The following MIOS variants were observed in gnomAD, a reference collection of about 807,000 sequenced individuals.
The protein encoded by MIOS is GATOR2 complex protein MIOS.
In MIOS, 52 loss-of-function variants were observed where a neutral mutation model predicts 96.9. The ratio of observed to expected loss-of-function variants is 0.54; its 90% confidence interval spans 0.43 to 0.68. The LOEUF (loss-of-function observed/expected upper bound fraction) is 0.68. MIOS is among the 30% of genes least tolerant of loss of function. MIOS has a pLI of 0.00. For synonymous variants in MIOS, 397 were observed against 359.5 expected, an observed-to-expected ratio of 1.10 and a Z score of -1.18; for missense variants, 1,005 against 1,052.8, an observed-to-expected ratio of 0.95 and a Z score of 0.63.
At chr7:7,579,412 T>C (rs1351154453) in intron 5 of MIOS, among the ~76,000 whole-genome samples, 2 of 152,242 alleles carry the variant, frequency 1.3e-5, no homozygotes, top group Non-Finnish European at 2.9e-5. Context: ...ATGACGTTTC[T>C]GTTAACAATC....
At chr7:7,594,177 GA>G (rs1266255929) in intron 9 of MIOS, among the ~76,000 whole-genome samples, 1 of 152,150 alleles carries the variant, frequency 6.6e-6, no homozygotes, top group Non-Finnish European at 1.5e-5. Flanking sequence ...GCAAGAGTAA[GA>G]ATAGACAGGT....
chr7:7,604,771 A>C (rs563802611), intron 11 of MIOS, among the ~76,000 whole-genome samples: 2 of 152,228 alleles, frequency 1.3e-5, no homozygotes, highest in African/African-American at 2.4e-5. Context: ...TCAGAAAAAT[A>C]TAAGGATATG....
chr7:7,587,001 T>TG (rs1563029470), intron 7 of MIOS, among the ~76,000 whole-genome samples: 3 of 148,776 alleles, frequency 2.0e-5, no homozygotes, highest in African/African-American at 7.7e-5. Flanking sequence ...TTTTTTTTTT[T>TG]TTTTTTTGTT....
intron 5 of MIOS, among the ~76,000 whole-genome samples, chr7:7,575,398 G>A (rs1783497195): frequency 6.6e-6 from 1 of 151,896 alleles, no homozygotes; most frequent in Non-Finnish European, 1.5e-5. Flanking sequence ...TGATTTTATT[G>A]TTTTTGTATT....
chr7:7,593,089 T>G (rs1375367504), intron 9 of MIOS, among the ~76,000 whole-genome samples: 1 of 152,246 alleles, frequency 6.6e-6, no homozygotes, highest in Non-Finnish European at 1.5e-5. Flanking sequence ...ATTGACCAAA[T>G]TCTTACTTAG....
intron 11 of MIOS, among the ~76,000 whole-genome samples, chr7:7,597,369 A>C (rs1583653143): frequency 3.4e-5 from 5 of 147,336 alleles, no homozygotes; most frequent in African/African-American, 1.2e-4. Flanking sequence ...AATAATAATA[A>C]ATAAGAAAAT....
intron 7 of MIOS, 115 bp from the exon 8 acceptor site, chr7:7,588,383 T>C (rs1359194957): frequency 6.1e-6 from 3 of 495,622 alleles, no homozygotes; most frequent in East Asian, 3.5e-5. Flanking sequence ...ATATAACTTA[T>C]TAATAAATTT....
At position 7,607,145 on chromosome 7, in the gene MIOS, C is replaced by A. The variant is rs1309925117; in HGVS notation, c.*53C>A. On this transcript the variant is annotated 3_prime_UTR_variant, in exon 13 of 13. Transcript: ENST00000340080. ...AAGTGTGGAGCTTTCTAGTAGGTGT[C>A]CTTCATAGCTCAGAAACATACCTCA... The A allele has an allele frequency of 1.5e-6, 2 of 1,365,150 alleles. No individual in the cohort carries two copies. The highest frequency in any genetic ancestry group is 2.1e-6 in the Non-Finnish European group (2 of 974,470). 84.6% of individuals were successfully genotyped at this position (1,365,150 alleles called of 1,614,324 possible).
intron 11 of MIOS, chr7:7,605,113 G>A (rs1158912109): frequency 2.6e-5 from 4 of 152,108 alleles, no homozygotes; most frequent in Non-Finnish European, 5.9e-5. Context: ...AATGGTCCAA[G>A]CAAAATTTTT....
intron 9 of MIOS, 118 bp from the exon 10 acceptor site, chr7:7,594,862 C>CAGA: frequency 2.7e-6 from 1 of 375,182 alleles, no homozygotes; most frequent in Non-Finnish European, 4.3e-6. Flanking sequence ...CAGCTTTTGG[C>CAGA]AAAAAAAAAA....
chr7:7,600,507 G>A (rs1784344139), intron 11 of MIOS, among the ~76,000 whole-genome samples: 2 of 152,150 alleles, frequency 1.3e-5, no homozygotes, highest in South Asian at 2.1e-4. Flanking sequence ...AGTTCAACAC[G>A]AAGAACTAAC....
chr7:7,607,117 T>C lies in MIOS; in HGVS notation c.*25T>C, dbSNP rs1308139199. On this transcript the variant is annotated 3_prime_UTR_variant, in exon 13 of 13. Transcript: ENST00000340080. ...AAATGTTACCACCTTAAGAGAACCC[T>C]TCAAGTGTGGAGCTTTCTAGTAGGT... 2 of 1,574,206 alleles carry C rather than the reference T, an allele frequency of 1.3e-6. No homozygotes were observed. Among genetic ancestry groups the C allele is most frequent in the East Asian group, 2.3e-5 (1 of 44,442 alleles).
intron 11 of MIOS, among the ~76,000 whole-genome samples, chr7:7,600,748 A>G (rs1340620509): frequency 1.3e-5 from 2 of 152,178 alleles, no homozygotes; most frequent in African/African-American, 4.8e-5. Flanking sequence ...CTCCACCCCA[A>G]ATCAACAGCA....
At chr7:7,596,678 G>C (rs775188076) in intron 11 of MIOS, among the ~76,000 whole-genome samples, 2 of 152,084 alleles carry the variant, frequency 1.3e-5, no homozygotes, top group Non-Finnish European at 2.9e-5. Flanking sequence ...CACAAGTTCT[G>C]ACCAATTTAA....
intron 10 of MIOS, among the ~76,000 whole-genome samples, chr7:7,595,735 A>G (rs1365370207): frequency 2.0e-5 from 3 of 152,214 alleles, no homozygotes; most frequent in South Asian, 2.1e-4. Context: ...ATGGTAGTAC[A>G]TGTTACTAAT....
At chr7:7,583,076 T>C (rs1260858142) in intron 5 of MIOS, 42 bp from the exon 6 acceptor site, 2 of 1,552,666 alleles carry the variant, frequency 1.3e-6, no homozygotes, top group Non-Finnish European at 1.7e-6. Context: ...TTTCCAAATA[T>C]ATTTTGAAAT....
chr7:7,603,317 C>G (rs1410287962), intron 11 of MIOS, among the ~76,000 whole-genome samples: 1 of 151,966 alleles, frequency 6.6e-6, no homozygotes, highest in African/African-American at 2.4e-5. Context: ...ACCTACTCAT[C>G]TGACAAAGGG....
intron 11 of MIOS, among the ~76,000 whole-genome samples, chr7:7,602,451 T>C (rs1784407207): frequency 6.6e-6 from 1 of 152,066 alleles, no homozygotes; most frequent in African/African-American, 2.4e-5. Context: ...GAGAGCCAAA[T>C]CATGAGTGAA....
chr7:7,585,651 A>C lies in MIOS; in HGVS notation c.1664A>C (p.Asn555Thr), dbSNP rs370610296. 6.3e-7 allele frequency: 1 copy of C among 1,588,004 alleles called. No homozygotes were observed. The highest frequency in any genetic ancestry group is 8.6e-7 in the Non-Finnish European group (1 of 1,168,734). ...ASSEKGDLNL[N>T]VVAMALSGYT... is the part of the protein sequence containing the mutation. The stretch of plus-strand genomic sequence containing the variant: ...TAATATGCAGGAGATCTGAATCTCA[A>C]TGTGGTAGCAATGGCTTTATCGGGT... The change falls in exon 7 of 13, where the codon AAT (asparagine) becomes ACT (threonine). Residue 555 changes from asparagine (N) to threonine (T), a missense_variant. By Grantham distance (65) the Asn-to-Thr change is moderately conservative. Transcript: ENST00000340080.
Sources: allele counts gnomAD v4.1 joint callset (sites outside exome capture counted in the v4.1 genomes callset), GRCh38; gene constraint gnomAD v4.1.1; transcripts MANE v1.5; gene names NCBI Gene and HGNC (gene_info 2026-07-23, HGNC 2026-07-21).